The following CD36 variants were observed in gnomAD, a reference collection of about 807,000 sequenced individuals.
CD36 encodes the protein platelet glycoprotein 4.
Under a neutral mutation model 55.2 loss-of-function variants are expected in CD36, and 119 were observed. The observed-to-expected ratio is 2.15, with a 90% confidence interval of 1.86 to 2.51. The LOEUF (loss-of-function observed/expected upper bound fraction) is 2.51, where lower values mean the gene tolerates loss of function less well. Ranked by LOEUF, CD36 falls within the 30% of genes most tolerant of loss-of-function variation. The pLI is 0.00. For missense variants in CD36, 819 were observed against 555.5 expected (o/e 1.47, Z -4.77); for synonymous variants, 186 against 193.6 (o/e 0.96, Z 0.33).
rs1250483452 is a variant in CD36 at position 80,670,968 on chromosome 7, TGTATTTAGGTCA to T, written c.819-8_822del. 4.4e-6 allele frequency: 7 copies of T among 1,602,304 alleles called. No individual in the cohort carries two copies. Among genetic ancestry groups the T allele is most frequent in the African/African-American group, 4.0e-5 (3 of 74,648 alleles). ...TCCTGGAATGCAGCTCTTTTTTCTC[TGTATTTAGGTCA>T]ATCTATGCTGTATTTGAATCCGACG... On this transcript the variant is annotated splice_acceptor_variant and splice_polypyrimidine_tract_variant and coding_sequence_variant and intron_variant, in exon 10 of 15. Coordinates refer to ENST00000447544, the MANE Select transcript of CD36 (RefSeq NM_001001548.3). LOFTEE classifies it high-confidence loss of function.
At chr7:80,603,590 A>C (rs966185284) in intron 1 of CD36, among the ~76,000 whole-genome samples, 5 of 152,068 alleles carry the variant, frequency 3.3e-5, no homozygotes, top group Non-Finnish European at 7.4e-5. Flanking sequence ...AAGGAAAAAT[A>C]TTTTCAAATG....
chr7:80,611,774 T>C (rs1477904779), intron 1 of CD36, among the ~76,000 whole-genome samples: 1 of 152,168 alleles, frequency 6.6e-6, no homozygotes. Context: ...TGATTGGGTG[T>C]CTTAATCTTG....
chr7:80,623,471 T>C (rs966744166), intron 1 of CD36, among the ~76,000 whole-genome samples: 1 of 150,134 alleles, frequency 6.7e-6, no homozygotes, highest in Non-Finnish European at 1.5e-5. Context: ...GAAAAAGCCA[T>C]ATTTTTGGTC....
intron 1 of CD36, among the ~76,000 whole-genome samples, chr7:80,607,928 G>A (rs1462279392): frequency 6.6e-6 from 1 of 151,852 alleles, no homozygotes; most frequent in Non-Finnish European, 1.5e-5. Flanking sequence ...CTGCTGCCTC[G>A]CCCAGCTAAT....
At chr7:80,615,852 G>C (rs1034161312) in intron 1 of CD36, among the ~76,000 whole-genome samples, 1 of 152,110 alleles carries the variant, frequency 6.6e-6, no homozygotes, top group Non-Finnish European at 1.5e-5. Flanking sequence ...TGGTTTCCAT[G>C]ATAGCTTTCT....
At chr7:80,666,342 G>C in intron 7 of CD36, 101 bp from the exon 8 acceptor site, 1 of 780,310 alleles carries the variant, frequency 1.3e-6, no homozygotes. Flanking sequence ...ACATTTAAAT[G>C]CATCATATTA....
intron 1 of CD36, among the ~76,000 whole-genome samples, chr7:80,629,530 G>T (rs1264771829): frequency 6.6e-6 from 1 of 151,968 alleles, no homozygotes; most frequent in Non-Finnish European, 1.5e-5. Context: ...CTTTCCCTCT[G>T]AACTTAGTGT....
Position 80,656,711 on chromosome 7 carries a change from C to T in CD36, c.281+11C>T. 1 of 1,610,528 alleles carries T rather than the reference C, an allele frequency of 6.2e-7. No individual in the cohort carries two copies. The highest frequency in any genetic ancestry group is 8.5e-7 in the Non-Finnish European group (1 of 1,177,120). Reference sequence around the variant, plus strand: ...TCCTTATACGTACAGGTGAGTGAGTCCCCACAAATATGAGACACTCTTACC... The same window carrying T: ...TCCTTATACGTACAGGTGAGTGAGTTCCCACAAATATGAGACACTCTTACC... On this transcript the variant is annotated intron_variant, in intron 4 of 14. Coordinates refer to ENST00000447544, the MANE Select transcript of CD36 (RefSeq NM_001001548.3).
At chr7:80,605,103 A>G (rs1253293225) in intron 1 of CD36, among the ~76,000 whole-genome samples, 4 of 152,206 alleles carry the variant, frequency 2.6e-5, no homozygotes, top group Non-Finnish European at 5.9e-5. Context: ...CTGTCTTTCC[A>G]GAGAAGATAC....
rs533311551 is a variant in CD36 at position 80,664,314 on chromosome 7, C to A, written c.610-92C>A. On this transcript the variant is annotated intron_variant, in intron 6 of 14. Coordinates refer to ENST00000447544, the MANE Select transcript of CD36 (RefSeq NM_001001548.3). ...ATGTATTTCAAGTCATTTGAGTAAC[C>A]AGTGATTGAGAAATGTGAAAGTGAG... 3.0e-5 allele frequency: 23 copies of A among 758,498 alleles called. No individual in the cohort carries two copies. In the South Asian group the frequency reaches 3.2e-4, roughly 11 times the overall value. The allele number at this position is 758,498 out of a possible 1,614,324, so 47.0% of individuals were successfully genotyped here.
intron 3 of CD36, chr7:80,647,170 G>A (rs1795231768): frequency 3.0e-6 from 1 of 329,024 alleles, no homozygotes; most frequent in Non-Finnish European, 5.9e-6. Context: ...ATGTTGGCAT[G>A]CTTTTGAGTA....
intron 9 of CD36, chr7:80,670,587 G>GTA (rs1470016250): frequency 2.4e-5 from 6 of 255,292 alleles, no homozygotes; most frequent in African/African-American, 1.4e-4. Flanking sequence ...AATGTACCAG[G>GTA]TATATATCCA....
chr7:80,609,715 A>T (rs1792770647), intron 1 of CD36, among the ~76,000 whole-genome samples: 1 of 152,274 alleles, frequency 6.6e-6, no homozygotes, highest in South Asian at 2.1e-4. Context: ...AAAGTTGATG[A>T]TTCAAACTAT....
Position 80,671,128 on chromosome 7 carries a change from T to C in CD36, c.970T>C (p.Ser324Pro). Residue 324 changes from serine (S) to proline (P), a missense_variant, in exon 10 of 15, where the codon TCA becomes CCA. Ser to Pro is a moderately conservative substitution (Grantham distance 74). Transcript: ENST00000447544. ...TEKIISKNCT[S>P]YGVLDISKCK... ...AAAAATTATCTCAAAAAATTGTACA[T>C]CATATGGTGTGCTAGACATCAGCAA... The C allele has an allele frequency of 1.2e-6, 2 of 1,612,876 alleles. No homozygotes were observed. The highest frequency in any genetic ancestry group is 1.3e-5 in the African/African-American group (1 of 75,024).
intron 3 of CD36, among the ~76,000 whole-genome samples, chr7:80,648,153 G>A (rs886828086): frequency 2.0e-5 from 3 of 152,054 alleles, no homozygotes; most frequent in African/African-American, 7.2e-5. Flanking sequence ...TTTTAATACA[G>A]GCCAATGGAA....
At chr7:80,637,938 C>T (rs1794538097), upstream of CD36, among the ~76,000 whole-genome samples, 1 of 150,024 alleles carries the variant, frequency 6.7e-6, no homozygotes, top group East Asian at 2.0e-4. Flanking sequence ...GACTTAAGTA[C>T]TAAAGATTAT....
chr7:80,627,781 G>A (rs1355309874), intron 1 of CD36, among the ~76,000 whole-genome samples: 1 of 151,942 alleles, frequency 6.6e-6, no homozygotes, highest in Non-Finnish European at 1.5e-5. Context: ...TAATCAATAT[G>A]TCTGTTTCTG....
At chr7:80,658,556 G>T (rs369100546) in intron 4 of CD36, among the ~76,000 whole-genome samples, 8 of 152,050 alleles carry the variant, frequency 5.3e-5, no homozygotes, top group Non-Finnish European at 8.8e-5. Context: ...GCAGTGGCAC[G>T]ATCACAGTTC....
intron 3 of CD36, among the ~76,000 whole-genome samples, chr7:80,654,126 T>G (rs1795832185): frequency 6.6e-6 from 1 of 152,144 alleles, no homozygotes; most frequent in Non-Finnish European, 1.5e-5. Flanking sequence ...AAGGGAAAAG[T>G]GATTTGTGGC....
Sources: gnomAD v4.1 joint callset for allele counts (sites outside exome capture counted in the v4.1 genomes callset) on GRCh38, gnomAD v4.1.1 for gene constraint, MANE v1.5 for transcripts, NCBI Gene and HGNC (gene_info 2026-07-23, HGNC 2026-07-21) for gene names.